Variants in ETHE1 observed in about 807,000 individuals in gnomAD.
ETHE1 encodes the protein persulfide dioxygenase ETHE1, mitochondrial.
ETHE1 carries 16 observed loss-of-function variants against 25.7 expected under a neutral mutation model. The observed-to-expected ratio is 0.62, with a 90% confidence interval of 0.42 to 0.95. ETHE1 has a LOEUF of 0.95. Ranked by LOEUF, ETHE1 falls within the 40% of genes least tolerant of loss-of-function variation. The pLI is 0.00. For synonymous variants in ETHE1, 139 were observed against 135.9 expected (o/e 1.02, Z -0.16); for missense variants, 300 against 333.6 (o/e 0.90, Z 0.79).
intron 3 of ETHE1, among the ~76,000 whole-genome samples, chr19:43,520,347 G>A (rs960396252): frequency 2.6e-5 from 4 of 152,116 alleles, no homozygotes; most frequent in African/African-American, 9.7e-5. Flanking sequence ...GGGCAACAGA[G>A]TGAGACTCCA....
chr19:43,506,982 A>T, intron 6 of ETHE1, 80 bp from the exon 7 acceptor site: 1 of 1,471,332 alleles, frequency 6.8e-7, no homozygotes, highest in Non-Finnish European at 9.5e-7. Context: ...AAATCCTAGG[A>T]ACCTTTCCTC....
chr19:43,516,381 C>T (rs1972019041), intron 3 of ETHE1, among the ~76,000 whole-genome samples: 1 of 151,778 alleles, frequency 6.6e-6, no homozygotes, highest in African/African-American at 2.4e-5. Flanking sequence ...CTCACTGCAA[C>T]CTCCGCCTCC....
chr19:43,523,484 C>G (rs984725438), intron 3 of ETHE1, among the ~76,000 whole-genome samples: 2 of 148,092 alleles, frequency 1.4e-5, no homozygotes, highest in African/African-American at 2.5e-5. Flanking sequence ...ACCATGTTGG[C>G]CAGGCTGATC....
intron 1 of ETHE1, 48 bp from the exon 2 acceptor site, chr19:43,526,707 A>G: frequency 6.2e-7 from 1 of 1,611,662 alleles, no homozygotes; most frequent in Non-Finnish European, 8.5e-7. Flanking sequence ...ACTTCCACCC[A>G]CTGGAGGCCA....
intron 3 of ETHE1, among the ~76,000 whole-genome samples, chr19:43,519,852 C>T (rs1972105023): frequency 6.6e-6 from 1 of 152,072 alleles, no homozygotes; most frequent in African/African-American, 2.4e-5. Context: ...CCTATACATA[C>T]GCACCTATGA....
rs191314590 is a variant in ETHE1 at position 43,513,062 on chromosome 19, C to T, written c.376-1496G>A. On this transcript the variant is annotated intron_variant, in intron 3 of 6. Coordinates refer to ENST00000292147, the MANE Select transcript of ETHE1 (RefSeq NM_014297.5). ...AAGCCCCAAGCCTTGGTGGCTTACA[C>T]GTGGTGCTGGGCCTGCTGGTGAACA... Among the ~76,000 whole-genome samples the T allele has an allele frequency of 9.2e-5, 14 of 152,338 alleles. 1 individual carries two copies. In the East Asian group the frequency reaches 1.9e-3, roughly 21 times the overall value.
chr19:43,517,647 A>T (rs532793669), intron 3 of ETHE1, among the ~76,000 whole-genome samples: 2 of 151,882 alleles, frequency 1.3e-5, no homozygotes, highest in South Asian at 4.2e-4. Flanking sequence ...CGTGGTGGTG[A>T]TGTCTGTAAT....
At chr19:43,519,382 T>C (rs770574457) in intron 3 of ETHE1, among the ~76,000 whole-genome samples, 211 of 152,230 alleles carry the variant, frequency 1.4e-3, no homozygotes, top group Non-Finnish European at 2.1e-3. Context: ...AATAAGAAAT[T>C]GTGGGTGGGG....
At position 43,511,522 on chromosome 19, in the gene ETHE1, G is replaced by C. The variant is rs374482389; in HGVS notation, c.420C>G (p.Val140=). 1.2e-6 allele frequency: 2 copies of C among 1,614,112 alleles called. No individual in the cohort carries two copies. The highest frequency in any genetic ancestry group is 1.7e-6 in the Non-Finnish European group (2 of 1,180,032). The change falls in exon 4 of 7, where the codon GTC becomes GTG. Residue 140 remains valine, a synonymous_variant. Coordinates refer to ENST00000292147, the MANE Select transcript of ETHE1 (RefSeq NM_014297.5). ...RASPGHTPGC[V]TFVLNDHSMA... ...TGCTGTGGTCATTCAGGACGAAGGT[G>C]ACACAGCCTGGGGTGTGGCCAGGGC... is the stretch of plus-strand genomic sequence containing the variant.
At chr19:43,519,417 C>G (rs1972096176) in intron 3 of ETHE1, among the ~76,000 whole-genome samples, 1 of 152,122 alleles carries the variant, frequency 6.6e-6, no homozygotes, top group South Asian at 2.1e-4. Context: ...TGACCTAAAG[C>G]AGCCTTCATT....
intron 1 of ETHE1, 113 bp from the exon 2 acceptor site, chr19:43,526,772 C>A: frequency 6.4e-7 from 1 of 1,554,748 alleles, no homozygotes; most frequent in Non-Finnish European, 8.7e-7. Flanking sequence ...GAAACCCCAG[C>A]CCACTCTTTC....
At chr19:43,513,804 C>A (rs902685624) in intron 3 of ETHE1, among the ~76,000 whole-genome samples, 1 of 151,844 alleles carries the variant, frequency 6.6e-6, no homozygotes, top group Non-Finnish European at 1.5e-5. Context: ...TCACTGCAAC[C>A]TCTGCTTCCC....
At chr19:43,509,821 A>G (rs1477281355) in intron 4 of ETHE1, among the ~76,000 whole-genome samples, 3 of 152,166 alleles carry the variant, frequency 2.0e-5, no homozygotes, top group African/African-American at 7.2e-5. Context: ...AAGAAGAAAG[A>G]AACTGCAGAC....
At chr19:43,507,653 C>T in intron 6 of ETHE1, 2 of 437,236 alleles carry the variant, frequency 4.6e-6, no homozygotes, top group South Asian at 5.3e-5. Context: ...CCCTCAGACT[C>T]AGGAGCCCAG....
intron 3 of ETHE1, among the ~76,000 whole-genome samples, chr19:43,517,949 CA>C (rs71169251): frequency 2.2e-4 from 23 of 105,020 alleles, no homozygotes; most frequent in East Asian, 5.6e-4. Flanking sequence ...CACTCCGTCT[CA>C]AAAAAAAAAA....
intron 6 of ETHE1, among the ~76,000 whole-genome samples, chr19:43,507,204 CCAGCCCCTCCTCCCT>C (rs1408049795): frequency 2.0e-5 from 2 of 99,460 alleles, no homozygotes; most frequent in African/African-American, 8.3e-5. Flanking sequence ...GTCCAGTCCC[CCAGCCCCTCCTCCCT>C]CAGACCCAGG....
At chr19:43,513,903 G>A (rs1971969400) in intron 3 of ETHE1, among the ~76,000 whole-genome samples, 1 of 151,920 alleles carries the variant, frequency 6.6e-6, no homozygotes, top group Admixed American at 6.6e-5. Flanking sequence ...TGTATTTTTA[G>A]TATAGACAGG....
chr19:43,506,776 G>A lies in ETHE1; in HGVS notation c.*74C>T, dbSNP rs775680830. The A allele has an allele frequency of 9.3e-5, 125 of 1,346,344 alleles. No individual in the cohort carries two copies. Among genetic ancestry groups the A allele is most frequent in the Non-Finnish European group, 1.2e-4 (111 of 938,580 alleles). The allele number at this position is 1,346,344 out of a possible 1,614,324, so 83.4% of individuals were successfully genotyped here. The stretch of plus-strand genomic sequence containing the variant: ...CAGGGAATGCGGTGGGAAAGGAGAG[G>A]TGCAGTGTCATTGCCGCCCTCTCCT... On this transcript the variant is annotated 3_prime_UTR_variant, in exon 7 of 7. Transcript: ENST00000292147.
At chr19:43,513,847 G>A (rs991482176) in intron 3 of ETHE1, among the ~76,000 whole-genome samples, 3 of 151,468 alleles carry the variant, frequency 2.0e-5, no homozygotes, top group Non-Finnish European at 2.9e-5. Flanking sequence ...TCAGCCTCCC[G>A]AGTAGTTGAG....
Sources: gnomAD v4.1 joint callset for allele counts (sites outside exome capture counted in the v4.1 genomes callset) on GRCh38, gnomAD v4.1.1 for gene constraint, MANE v1.5 for transcripts, NCBI Gene and HGNC (gene_info 2026-07-23, HGNC 2026-07-21) for gene names.